Variants in DOK6 observed in about 807,000 individuals in gnomAD.
DOK6 encodes downstream of tyrosine kinase 6.
In DOK6, 22 loss-of-function variants were observed where a neutral mutation model predicts 44.0. The observed-to-expected ratio is 0.50, with a 90% CI of 0.36 to 0.71. The LOEUF (loss-of-function observed/expected upper bound fraction) is 0.71, where lower values mean the gene tolerates loss of function less well. Ranked by LOEUF, DOK6 falls within the 30% of genes least tolerant of loss-of-function variation. The pLI, the probability that DOK6 is intolerant of heterozygous loss-of-function variation, is 0.00. For synonymous variants in DOK6, 166 were observed against 145.5 expected (o/e 1.14, Z -1.01); for missense variants, 340 against 416.4 (o/e 0.82, Z 1.60).
intron 3 of DOK6, among the ~76,000 whole-genome samples, chr18:69,610,429 C>T (rs9675725): frequency 0.94 from 143,240 of 152,212 alleles, 68,001 homozygotes; most frequent in East Asian, 1. Context: ...TTATGTATAA[C>T]GGCAAAAAAA....
chr18:69,672,215 T>G (rs910498669), intron 3 of DOK6, among the ~76,000 whole-genome samples: 3 of 151,710 alleles, frequency 2.0e-5, no homozygotes, highest in Non-Finnish European at 2.9e-5. Flanking sequence ...CTTAGAAAAC[T>G]AATCGTACCC....
chr18:69,780,103 T>A (rs1001085180), intron 7 of DOK6, among the ~76,000 whole-genome samples: 3 of 152,126 alleles, frequency 2.0e-5, no homozygotes, highest in Admixed American at 6.6e-5. Context: ...TTGTTTAAAA[T>A]ATTCTAAAAT....
intron 1 of DOK6, among the ~76,000 whole-genome samples, chr18:69,516,038 A>G (rs1164531944): frequency 2.2e-4 from 33 of 152,244 alleles, no homozygotes; most frequent in Admixed American, 2.1e-3. Flanking sequence ...TGTAAATTCC[A>G]ACATTATTTA....
intron 3 of DOK6, chr18:69,660,571 T>TAACC (rs1985496054): frequency 6.6e-6 from 1 of 152,080 alleles, no homozygotes; most frequent in Non-Finnish European, 1.5e-5. Flanking sequence ...GATACCTCCA[T>TAACC]AACCAAAACT....
chr18:69,408,903 G>A (rs1469245013), intron 1 of DOK6, among the ~76,000 whole-genome samples: 1 of 152,078 alleles, frequency 6.6e-6, no homozygotes, highest in East Asian at 1.9e-4. Context: ...AATTTTTTAA[G>A]TTGCCTATAT....
chr18:69,657,572 C>T (rs1026916840), intron 3 of DOK6, among the ~76,000 whole-genome samples: 22 of 152,042 alleles, frequency 1.4e-4, no homozygotes, highest in African/African-American at 4.8e-4. Flanking sequence ...ATATAACAGG[C>T]GAAAGCTACC....
chr18:69,717,878 C>T (rs1986919872), intron 5 of DOK6, among the ~76,000 whole-genome samples: 1 of 152,178 alleles, frequency 6.6e-6, no homozygotes, highest in African/African-American at 2.4e-5. Flanking sequence ...ATCTCTAGGA[C>T]TTGACTAACC....
At chr18:69,515,589 A>G (rs929638793) in intron 1 of DOK6, among the ~76,000 whole-genome samples, 2 of 152,226 alleles carry the variant, frequency 1.3e-5, no homozygotes, top group African/African-American at 4.8e-5. Flanking sequence ...CTCAGAAGAA[A>G]CAAAAATAGA....
intron 1 of DOK6, among the ~76,000 whole-genome samples, chr18:69,502,696 C>G (rs1228340456): frequency 6.6e-6 from 1 of 151,982 alleles, no homozygotes; most frequent in East Asian, 1.9e-4. Context: ...CCATCAGGAA[C>G]CCCACACTTC....
chr18:69,732,420 T>C (rs67117633), intron 5 of DOK6, among the ~76,000 whole-genome samples: 16,770 of 152,210 alleles, frequency 0.11, 955 homozygotes, highest in Middle Eastern at 0.16. Context: ...GCAAGTCTTA[T>C]GACTTACATC....
intron 3 of DOK6, among the ~76,000 whole-genome samples, chr18:69,610,717 A>G (rs1984118295): frequency 6.6e-6 from 1 of 152,210 alleles, no homozygotes; most frequent in Non-Finnish European, 1.5e-5. Flanking sequence ...AACAATACAA[A>G]TTAGGAAATA....
chr18:69,772,008 TAAAAAAAAAA>T, intron 7 of DOK6, among the ~76,000 whole-genome samples: 1 of 111,704 alleles, frequency 9.0e-6, no homozygotes, highest in Admixed American at 9.5e-5. Context: ...GAGACCTCAG[TAAAAAAAAAA>T]AAAAAAAAAT....
intron 7 of DOK6, among the ~76,000 whole-genome samples, chr18:69,805,882 G>A (rs560772457): frequency 4.6e-5 from 7 of 151,784 alleles, no homozygotes; most frequent in South Asian, 4.2e-4. Context: ...TTTCAAACCC[G>A]TTTTTTACTT....
chr18:69,508,932 A>C (rs1981270646), intron 1 of DOK6, among the ~76,000 whole-genome samples: 1 of 152,220 alleles, frequency 6.6e-6, no homozygotes, highest in Non-Finnish European at 1.5e-5. Context: ...GTGATTAGTC[A>C]TGGCATCTTT....
At chr18:69,683,508 GA>G (rs1344943982) in intron 4 of DOK6, among the ~76,000 whole-genome samples, 1 of 152,204 alleles carries the variant, frequency 6.6e-6, no homozygotes, top group Non-Finnish European at 1.5e-5. Context: ...TGGACTCAGA[GA>G]TAGATATGGA....
chr18:69,737,988 C>A (rs1434052607), intron 5 of DOK6, among the ~76,000 whole-genome samples: 1 of 152,224 alleles, frequency 6.6e-6, no homozygotes, highest in Non-Finnish European at 1.5e-5. Context: ...ATTTGTTTCA[C>A]TTTGTGAAAA....
intron 7 of DOK6, among the ~76,000 whole-genome samples, chr18:69,807,784 A>G (rs1981097849): frequency 6.6e-6 from 1 of 151,888 alleles, no homozygotes; most frequent in South Asian, 2.1e-4. Context: ...GAGCACCTAA[A>G]TAAATAAAGC....
chr18:69,594,717 A>G (rs1289687368), intron 2 of DOK6, among the ~76,000 whole-genome samples: 2 of 152,084 alleles, frequency 1.3e-5, no homozygotes, highest in African/African-American at 4.8e-5. Context: ...GGCCTCACAC[A>G]GTGGATCACA....
At chr18:69,744,337 A>G (rs978130663) in intron 6 of DOK6, among the ~76,000 whole-genome samples, 5 of 151,874 alleles carry the variant, frequency 3.3e-5, no homozygotes, top group African/African-American at 1.2e-4. Flanking sequence ...ATAACTGCAA[A>G]TACAGTTATT....
Sources: gnomAD v4.1 joint callset for allele counts (sites outside exome capture counted in the v4.1 genomes callset) on GRCh38, gnomAD v4.1.1 for gene constraint, MANE v1.5 for transcripts, NCBI Gene and HGNC (gene_info 2026-07-23, HGNC 2026-07-21) for gene names.